The following IGSF11 variants were observed in gnomAD, a reference collection of about 807,000 sequenced individuals.
The protein encoded by IGSF11 is CXADR like 1.
IGSF11 carries 22 observed loss-of-function variants against 41.0 expected under a neutral mutation model. The observed-to-expected ratio is 0.54, with a 90% CI of 0.38 to 0.77. IGSF11 has a LOEUF of 0.77. IGSF11 is among the 30% of genes least tolerant of loss of function. The probability of loss-of-function intolerance (pLI) is 0.00; values close to 1 mark genes in which losing one functional copy is unlikely to be tolerated. For missense variants in IGSF11, 444 were observed against 530.8 expected, an observed-to-expected ratio of 0.84 and a Z score of 1.61; for synonymous variants, 219 against 201.3, an observed-to-expected ratio of 1.09 and a Z score of -0.74.
chr3:119,094,223 T>TTAAAAAA (rs1491294473), intron 1 of IGSF11, among the ~76,000 whole-genome samples: 5 of 35,074 alleles, frequency 1.4e-4, no homozygotes, highest in Non-Finnish European at 2.3e-4. Context: ...CATAGCGAAG[T>TTAAAAAA]AAAAAAAAAA....
Position 119,028,447 on chromosome 3 carries a change from C to T in IGSF11, c.52+6084G>A, listed in dbSNP as rs140742595. Among the ~76,000 whole-genome samples the T allele has an allele frequency of 1.7e-3, 266 of 152,216 alleles. 2 individuals carry two copies. Among genetic ancestry groups the T allele is most frequent in the African/African-American group, 5.8e-3 (239 of 41,526 alleles). The stretch of plus-strand genomic sequence containing the variant: ...AAGATGTTATTTTAAGTAATTATCT[C>T]TCTTCTTGGGAGACTAGTTCTAACA... On this transcript the variant is annotated intron_variant, in intron 1 of 6. Coordinates refer to ENST00000393775, the MANE Select transcript of IGSF11 (RefSeq NM_001015887.3).
At chr3:119,009,071 TACACACACAC>T (rs886705863) in intron 1 of IGSF11, among the ~76,000 whole-genome samples, 15 of 151,962 alleles carry the variant, frequency 9.9e-5, no homozygotes, top group African/African-American at 3.6e-4. Context: ...CACACACACA[TACACACACAC>T]AAATTTCTCT....
At chr3:118,910,269 T>C (rs1385434404) in intron 4 of IGSF11, among the ~76,000 whole-genome samples, 1 of 152,224 alleles carries the variant, frequency 6.6e-6, no homozygotes, top group Non-Finnish European at 1.5e-5. Flanking sequence ...ACTAACTCAC[T>C]GCTTTCCTCA....
At chr3:119,056,187 GT>G (rs1941826476) in intron 1 of IGSF11, among the ~76,000 whole-genome samples, 1 of 152,056 alleles carries the variant, frequency 6.6e-6, no homozygotes, top group Non-Finnish European at 1.5e-5. Flanking sequence ...CCAGGAGCTG[GT>G]TTTTTGAAAA....
chr3:118,983,148 T>A (rs1253100900), intron 1 of IGSF11, among the ~76,000 whole-genome samples: 2 of 152,236 alleles, frequency 1.3e-5, no homozygotes, highest in African/African-American at 4.8e-5. Flanking sequence ...ATGTAAGCAC[T>A]GCCTCTGTCA....
intron 1 of IGSF11, among the ~76,000 whole-genome samples, chr3:119,064,461 T>C (rs1371227788): frequency 6.6e-6 from 1 of 151,574 alleles, no homozygotes; most frequent in Admixed American, 6.6e-5. Flanking sequence ...TCTTGATGTC[T>C]GGTAGTGTAA....
At chr3:119,076,104 C>T (rs1040847088) in intron 1 of IGSF11, among the ~76,000 whole-genome samples, 4 of 152,094 alleles carry the variant, frequency 2.6e-5, no homozygotes, top group African/African-American at 7.2e-5. Flanking sequence ...AGAAATAATA[C>T]CACACATCTA....
At chr3:119,112,580 G>C (rs13080735) in intron 1 of IGSF11, 1 of 152,552 alleles carries the variant, frequency 6.6e-6, no homozygotes, top group Non-Finnish European at 1.5e-5. Flanking sequence ...GCTTTGGCTC[G>C]TGCATGGTAC....
At chr3:118,930,547 G>A (rs941815009) in intron 1 of IGSF11, among the ~76,000 whole-genome samples, 8 of 152,080 alleles carry the variant, frequency 5.3e-5, no homozygotes, top group Admixed American at 3.3e-4. Context: ...ATTCAAATAC[G>A]ACACAGATGA....
At chr3:119,047,860 A>G (rs564238874) in intron 1 of IGSF11, among the ~76,000 whole-genome samples, 45 of 152,276 alleles carry the variant, frequency 3.0e-4, no homozygotes, top group Admixed American at 2.0e-3. Context: ...AAACTGCTCA[A>G]CTACATGGAA....
At chr3:119,001,546 G>A (rs1026363499) in intron 1 of IGSF11, among the ~76,000 whole-genome samples, 3 of 133,888 alleles carry the variant, frequency 2.2e-5, no homozygotes, top group African/African-American at 8.4e-5. Context: ...ATGTATACAT[G>A]TGCCATGCTG....
At chr3:119,025,149 G>A (rs927746569) in intron 1 of IGSF11, among the ~76,000 whole-genome samples, 68 of 152,204 alleles carry the variant, frequency 4.5e-4, no homozygotes, top group Admixed American at 3.1e-3. Flanking sequence ...AGAGAGGAAA[G>A]TCAAGTAACT....
chr3:119,118,736 C>T (rs185436610), intron 1 of IGSF11, among the ~76,000 whole-genome samples: 46 of 152,262 alleles, frequency 3.0e-4, no homozygotes, highest in Middle Eastern at 3.4e-3. Flanking sequence ...AACTTTTATG[C>T]CCTGTTTCTC....
intron 1 of IGSF11, among the ~76,000 whole-genome samples, chr3:119,081,738 C>T (rs2076589932): frequency 6.6e-6 from 1 of 152,162 alleles, no homozygotes; most frequent in African/African-American, 2.4e-5. Flanking sequence ...CTGTTACTTA[C>T]TCACACCTCC....
At chr3:118,932,074 G>A (rs1942908492) in intron 1 of IGSF11, among the ~76,000 whole-genome samples, 1 of 152,072 alleles carries the variant, frequency 6.6e-6, no homozygotes, top group Non-Finnish European at 1.5e-5. Context: ...TAATTTTATG[G>A]AATATAAATT....
intron 1 of IGSF11, among the ~76,000 whole-genome samples, chr3:119,016,129 G>A (rs1367585253): frequency 6.6e-6 from 1 of 152,236 alleles, no homozygotes; most frequent in Non-Finnish European, 1.5e-5. Flanking sequence ...ACACAAAGGT[G>A]TAACTGGCTG....
At chr3:118,967,705 T>C (rs1035187058) in intron 1 of IGSF11, among the ~76,000 whole-genome samples, 3 of 152,200 alleles carry the variant, frequency 2.0e-5, no homozygotes, top group African/African-American at 7.2e-5. Context: ...TTTCGCATAG[T>C]ACCCTGTGCC....
intron 1 of IGSF11, among the ~76,000 whole-genome samples, chr3:118,954,166 C>T (rs546324575): frequency 6.6e-6 from 1 of 151,970 alleles, no homozygotes; most frequent in African/African-American, 2.4e-5. Context: ...GTGTCCTTTC[C>T]CCACTTACTT....
At chr3:119,081,221 C>A (rs2076581431) in intron 1 of IGSF11, among the ~76,000 whole-genome samples, 1 of 152,056 alleles carries the variant, frequency 6.6e-6, no homozygotes, top group African/African-American at 2.4e-5. Context: ...CTCTTTTGCT[C>A]ATTTTTATTC....
Sources: allele counts gnomAD v4.1 joint callset (sites outside exome capture counted in the v4.1 genomes callset), GRCh38; gene constraint gnomAD v4.1.1; transcripts MANE v1.5; gene names NCBI Gene and HGNC (gene_info 2026-07-23, HGNC 2026-07-21).